Variants in SPMAP2L observed in about 807,000 individuals in gnomAD.
SPMAP2L encodes sperm microtubule associated protein 2 like.
At chr4:56,574,254 T>C in the SPMAP2L span, among the ~76,000 whole-genome samples, 1 of 151,928 alleles carries the variant, frequency 6.6e-6, no homozygotes, top group Non-Finnish European at 1.5e-5. Context: ...CCCCCATCCG[T>C]ACAAATATAA....
the SPMAP2L span, among the ~76,000 whole-genome samples, chr4:56,566,587 G>T: frequency 6.6e-6 from 1 of 151,418 alleles, no homozygotes; most frequent in South Asian, 2.1e-4. Context: ...TTTAGTTTTA[G>T]AACTTTAGAA....
the SPMAP2L span, among the ~76,000 whole-genome samples, chr4:56,535,952 A>T: frequency 6.6e-6 from 1 of 152,192 alleles, no homozygotes; most frequent in African/African-American, 2.4e-5. Context: ...CAATCTATCA[A>T]TCATTAGTTA....
chr4:56,611,882 G>A, the SPMAP2L span, among the ~76,000 whole-genome samples: 3 of 152,024 alleles, frequency 2.0e-5, no homozygotes, highest in Non-Finnish European at 2.9e-5. Context: ...CACACAAGCA[G>A]CCTCCAATCA....
chr4:56,534,112 T>C, the SPMAP2L span, among the ~76,000 whole-genome samples: 1 of 152,282 alleles, frequency 6.6e-6, no homozygotes, highest in South Asian at 2.1e-4. Flanking sequence ...AGGAAAAATT[T>C]CTCAATTGAA....
the SPMAP2L span, chr4:56,601,185 G>A: frequency 7.4e-7 from 1 of 1,357,318 alleles, no homozygotes; most frequent in Non-Finnish European, 9.8e-7. Context: ...ACCTAATAAG[G>A]CAAATGAAAA....
the SPMAP2L span, among the ~76,000 whole-genome samples, chr4:56,598,969 G>A: frequency 6.6e-6 from 1 of 151,970 alleles, no homozygotes; most frequent in East Asian, 1.9e-4. Flanking sequence ...GGCTCTTACG[G>A]TCTCTTGCCC....
At chr4:56,575,041 G>A in the SPMAP2L span, among the ~76,000 whole-genome samples, 1 of 152,012 alleles carries the variant, frequency 6.6e-6, no homozygotes, top group Admixed American at 6.6e-5. Context: ...ACGAGGTCAG[G>A]AGATCAAGAC....
At chr4:56,603,726 T>C in the SPMAP2L span, among the ~76,000 whole-genome samples, 1 of 152,182 alleles carries the variant, frequency 6.6e-6, no homozygotes, top group Non-Finnish European at 1.5e-5. Flanking sequence ...CTCCAGTAAG[T>C]CCTGGGAAAT....
At chr4:56,530,711 C>T in the SPMAP2L span, 15 of 1,535,228 alleles carry the variant, frequency 9.8e-6, no homozygotes, top group South Asian at 1.3e-4. Flanking sequence ...TCATCTGCGC[C>T]GTCCGAGGTG....
the SPMAP2L span, among the ~76,000 whole-genome samples, chr4:56,540,654 G>GAGAA: frequency 2.0e-5 from 3 of 152,080 alleles, no homozygotes; most frequent in Admixed American, 6.6e-5. Flanking sequence ...AAAGAAAAGA[G>GAGAA]AGAAAGAAAG....
At chr4:56,570,011 C>G in the SPMAP2L span, among the ~76,000 whole-genome samples, 4 of 152,304 alleles carry the variant, frequency 2.6e-5, no homozygotes, top group Admixed American at 2.6e-4. Context: ...TGTGATCCTA[C>G]TTTTATTTTA....
At chr4:56,606,205 AG>A in the SPMAP2L span, among the ~76,000 whole-genome samples, 2 of 152,238 alleles carry the variant, frequency 1.3e-5, 1 homozygote, top group South Asian at 4.1e-4. Context: ...AAGAGGATAC[AG>A]GAAGACATTC....
the SPMAP2L span, among the ~76,000 whole-genome samples, chr4:56,537,964 A>G: frequency 2.6e-5 from 4 of 151,586 alleles, no homozygotes; most frequent in Middle Eastern, 0.01. Flanking sequence ...AAGTGCTGGG[A>G]TTACAGGCGT....
the SPMAP2L span, among the ~76,000 whole-genome samples, chr4:56,545,718 C>CAAAA: frequency 2.1e-5 from 2 of 94,106 alleles, no homozygotes; most frequent in Admixed American, 1.1e-4. Context: ...GACCCTGTCT[C>CAAAA]AAAAAAAAAA....
the SPMAP2L span, among the ~76,000 whole-genome samples, chr4:56,537,047 A>T: frequency 6.6e-6 from 1 of 152,118 alleles, no homozygotes; most frequent in African/African-American, 2.4e-5. Flanking sequence ...TACAGGCATG[A>T]GCCACCACGC....
the SPMAP2L span, among the ~76,000 whole-genome samples, chr4:56,601,524 AGAGGT>A: frequency 4.6e-5 from 7 of 152,158 alleles, no homozygotes; most frequent in Non-Finnish European, 2.9e-5. Flanking sequence ...TTTGGGAGGC[AGAGGT>A]GGGAAGATCG....
At chr4:56,603,273 G>A in the SPMAP2L span, 4 of 1,534,750 alleles carry the variant, frequency 2.6e-6, no homozygotes, top group East Asian at 2.4e-5. Context: ...TGCTTTGAAA[G>A]CACAGTGTTC....
chr4:56,622,993 G>T, the SPMAP2L span, among the ~76,000 whole-genome samples: 1 of 152,062 alleles, frequency 6.6e-6, no homozygotes, highest in Non-Finnish European at 1.5e-5. Flanking sequence ...AGGCAGATTG[G>T]GATGGTCCTC....
At chr4:56,590,259 G>C in the SPMAP2L span, among the ~76,000 whole-genome samples, 3 of 152,308 alleles carry the variant, frequency 2.0e-5, no homozygotes, top group South Asian at 6.2e-4. Context: ...CTATTGAGAT[G>C]ATCATGTGAT....
Sources: gnomAD v4.1 joint callset for allele counts (sites outside exome capture counted in the v4.1 genomes callset) on GRCh38, gnomAD v4.1.1 for gene constraint, MANE v1.5 for transcripts, NCBI Gene and HGNC (gene_info 2026-07-23, HGNC 2026-07-21) for gene names.